The following DOCK4 variants were observed in gnomAD, a reference collection of about 807,000 sequenced individuals.
The protein encoded by DOCK4 is dedicator of cytokinesis protein 4.
Under a neutral mutation model 268.1 loss-of-function variants are expected in DOCK4, and 97 were observed. The ratio of observed to expected loss-of-function variants is 0.36; its 90% CI spans 0.31 to 0.43. The LOEUF (loss-of-function observed/expected upper bound fraction) is 0.43, where lower values mean the gene tolerates loss of function less well. Among genes scored for constraint, DOCK4 ranks in the 20% least tolerant of loss-of-function variants. The pLI is 1.00. For synonymous variants in DOCK4, 954 were observed against 887.2 expected, an observed-to-expected ratio of 1.08 and a Z score of -1.34; for missense variants, 2,145 against 2,455.7, an observed-to-expected ratio of 0.87 and a Z score of 2.67.
intron 1 of DOCK4, among the ~76,000 whole-genome samples, chr7:112,178,223 A>G (rs1432484962): frequency 1.3e-5 from 2 of 152,224 alleles, no homozygotes; most frequent in Admixed American, 1.3e-4. Flanking sequence ...TCTTGCTTCA[A>G]GATTTAAGGA....
intron 7 of DOCK4, among the ~76,000 whole-genome samples, chr7:111,982,906 A>G (rs914524467): frequency 6.6e-6 from 1 of 152,252 alleles, no homozygotes; most frequent in Non-Finnish European, 1.5e-5. Context: ...AGGATATGAC[A>G]GACAAACTAT....
intron 11 of DOCK4, among the ~76,000 whole-genome samples, chr7:111,938,973 C>CAAA (rs557205821): frequency 9.3e-5 from 5 of 53,688 alleles, no homozygotes; most frequent in African/African-American, 2.7e-4. Flanking sequence ...GACTCTGTCT[C>CAAA]AAAAAAAAAA....
chr7:111,873,773 G>C lies in DOCK4; in HGVS notation c.1745-1209C>G, dbSNP rs542962003. Among the ~76,000 whole-genome samples the C allele has an allele frequency of 2.0e-5, 3 of 152,184 alleles. No homozygotes were observed. The East Asian group carries it at 5.8e-4, about 29-fold the overall frequency. ...GATTCAAGAGAAAAACCTCACAAAG[G>C]ATTTACTATTAATAGTAAGGAATTC... On this transcript the variant is annotated intron_variant, in intron 17 of 52. Coordinates refer to ENST00000428084, the MANE Select transcript of DOCK4 (RefSeq NM_001363540.2).
chr7:111,911,677 C>T (rs1024860917), intron 13 of DOCK4, among the ~76,000 whole-genome samples: 2 of 152,218 alleles, frequency 1.3e-5, no homozygotes, highest in African/African-American at 4.8e-5. Context: ...TGCGTGAGCA[C>T]AGCAGATCCC....
intron 1 of DOCK4, among the ~76,000 whole-genome samples, chr7:112,170,869 A>G (rs1233015034): frequency 1.3e-5 from 2 of 152,214 alleles, no homozygotes; most frequent in Non-Finnish European, 2.9e-5. Flanking sequence ...AGTACCATAT[A>G]TGATAAAAAA....
intron 36 of DOCK4, among the ~76,000 whole-genome samples, chr7:111,774,919 G>A (rs1398361449): frequency 6.6e-6 from 1 of 152,200 alleles, no homozygotes; most frequent in African/African-American, 2.4e-5. Flanking sequence ...GTGGGCACGG[G>A]TGAGCTGTTA....
intron 11 of DOCK4, among the ~76,000 whole-genome samples, chr7:111,939,764 T>C (rs1196062333): frequency 6.6e-6 from 1 of 152,164 alleles, no homozygotes; most frequent in Non-Finnish European, 1.5e-5. Context: ...CCAATTCTAA[T>C]AAATTTACTT....
At chr7:112,163,302 C>T (rs1817305663) in intron 1 of DOCK4, among the ~76,000 whole-genome samples, 1 of 152,052 alleles carries the variant, frequency 6.6e-6, no homozygotes, top group African/African-American at 2.4e-5. Context: ...CTCCCTTCCT[C>T]TGTGCACAGC....
chr7:111,953,083 C>G (rs1007265079), intron 8 of DOCK4, among the ~76,000 whole-genome samples: 2 of 151,550 alleles, frequency 1.3e-5, no homozygotes, highest in African/African-American at 4.9e-5. Context: ...AAAAATTAGC[C>G]CGGTGGGGTG....
chr7:112,080,258 T>C (rs1008608919), intron 1 of DOCK4, among the ~76,000 whole-genome samples: 10 of 152,172 alleles, frequency 6.6e-5, no homozygotes, highest in Non-Finnish European at 1.3e-4. Flanking sequence ...ATATATGTCA[T>C]AAACATTTCA....
intron 12 of DOCK4, among the ~76,000 whole-genome samples, chr7:111,920,861 A>G (rs945670670): frequency 2.6e-5 from 4 of 152,170 alleles, no homozygotes; most frequent in African/African-American, 7.2e-5. Flanking sequence ...ATAAGAAAAA[A>G]TTACCACGGA....
At chr7:112,148,999 C>T (rs1815785521) in intron 1 of DOCK4, among the ~76,000 whole-genome samples, 1 of 152,146 alleles carries the variant, frequency 6.6e-6, no homozygotes, top group South Asian at 2.1e-4. Flanking sequence ...GCACGCTGCT[C>T]CCTCCTGCAA....
chr7:111,800,984 GA>G (rs1800236551), intron 30 of DOCK4, among the ~76,000 whole-genome samples: 2 of 152,194 alleles, frequency 1.3e-5, no homozygotes, highest in Non-Finnish European at 2.9e-5. Flanking sequence ...GCAACCGCCC[GA>G]AACATTTCTT....
intron 47 of DOCK4, chr7:111,740,126 G>T (rs746511306): frequency 2.3e-6 from 1 of 441,104 alleles, no homozygotes; most frequent in South Asian, 1.6e-5. Context: ...TTGAGACACA[G>T]TCTCGCTTTG....
At position 111,760,235 on chromosome 7, in the gene DOCK4, C is replaced by T. The variant is rs758240224; in HGVS notation, c.4108G>A (p.Ala1370Thr). ...TCGGGCTGGTTGGCGTGCTGCATGG[C>T]GATGGCATGGGGGAACTCGTTCAGC... ...RMLNEFPHAIAMQHANQPDET... is the reference protein window; with the variant it reads ...RMLNEFPHAITMQHANQPDET... The change falls in exon 40 of 53, where the codon GCC becomes ACC. Residue 1370 changes from alanine (A) to threonine (T), a missense_variant. Coordinates refer to ENST00000428084, the MANE Select transcript of DOCK4 (RefSeq NM_001363540.2). 13 of 1,613,824 alleles carry T rather than the reference C, an allele frequency of 8.1e-6. No homozygotes were observed. The highest frequency in any genetic ancestry group is 2.2e-5 in the East Asian group (1 of 44,890).
In DOCK4 at chr7:112,180,278, CT is replaced by C. The variant is rs1464984789; in HGVS notation, c.37+25823del. On this transcript the variant is annotated intron_variant, in intron 1 of 52. Coordinates refer to ENST00000428084, the MANE Select transcript of DOCK4 (RefSeq NM_001363540.2). ...TGCAAAACGACTCTGGAGAACCTTG[CT>C]CTCCCAAAGAGCCCAACAAGCATCA... Among the ~76,000 whole-genome samples, 13 of 152,238 alleles carry C rather than the reference CT, an allele frequency of 8.5e-5. 1 individual carries two copies. The East Asian group carries it at 2.5e-3, about 29-fold the overall frequency.
At chr7:111,818,887 A>C (rs1013930158) in intron 27 of DOCK4, among the ~76,000 whole-genome samples, 1 of 152,166 alleles carries the variant, frequency 6.6e-6, no homozygotes, top group Admixed American at 6.5e-5. Flanking sequence ...TCACTCCTTC[A>C]TGAAAGACCC....
At chr7:111,835,193 C>A (rs1803143852) in intron 25 of DOCK4, among the ~76,000 whole-genome samples, 1 of 152,166 alleles carries the variant, frequency 6.6e-6, no homozygotes, top group South Asian at 2.1e-4. Flanking sequence ...GTCTTTCTGC[C>A]TCCAAAGCCC....
intron 1 of DOCK4, among the ~76,000 whole-genome samples, chr7:112,104,142 C>G (rs1810932798): frequency 1.3e-5 from 2 of 152,162 alleles, no homozygotes; most frequent in Admixed American, 1.3e-4. Flanking sequence ...ACAGAAAGAT[C>G]TCTTTTTGCA....
Sources: allele counts gnomAD v4.1 joint callset (sites outside exome capture counted in the v4.1 genomes callset), GRCh38; gene constraint gnomAD v4.1.1; transcripts MANE v1.5; gene names NCBI Gene and HGNC (gene_info 2026-07-23, HGNC 2026-07-21).